Variants in EXOC6B observed in about 807,000 individuals in gnomAD.
EXOC6B encodes the protein exocyst complex component 6B, also known as SEC15 homolog B.
A neutral mutation model predicts 113.5 loss-of-function variants in EXOC6B; 54 were observed. That is an observed-to-expected ratio of 0.48 (90% confidence interval 0.38 to 0.60). The LOEUF is 0.60. EXOC6B is among the 20% of genes least tolerant of loss of function. The pLI is 0.00. For missense variants in EXOC6B, 797 were observed against 977.5 expected, an observed-to-expected ratio of 0.82 and a Z score of 2.46; for synonymous variants, 357 against 339.0, an observed-to-expected ratio of 1.05 and a Z score of -0.58.
chr2:72,255,403 T>C (rs553465763), intron 20 of EXOC6B, among the ~76,000 whole-genome samples: 4 of 152,216 alleles, frequency 2.6e-5, no homozygotes, highest in Non-Finnish European at 5.9e-5. Flanking sequence ...AAGGAAAGGA[T>C]GACTTCTAGG....
rs1021984611 is a variant in EXOC6B at position 72,709,820 on chromosome 2, T to C, written c.669+8283A>G. Among the ~76,000 whole-genome samples the C allele has an allele frequency of 4.6e-5, 7 of 152,072 alleles. No homozygotes were observed. The East Asian group carries it at 9.6e-4, about 21-fold the overall frequency. On this transcript the variant is annotated intron_variant, in intron 6 of 21. Transcript: ENST00000272427. Reference sequence around the variant, plus strand: ...GGTTTAGATTGCTTATGAGAACCAATATAGGGTTTGGTTTCTCACTGACAT... The same window carrying C: ...GGTTTAGATTGCTTATGAGAACCAACATAGGGTTTGGTTTCTCACTGACAT...
chr2:72,799,926 A>G (rs1308471034), intron 1 of EXOC6B, among the ~76,000 whole-genome samples: 2 of 152,172 alleles, frequency 1.3e-5, no homozygotes, highest in Non-Finnish European at 2.9e-5. Flanking sequence ...TTAGCTGGAC[A>G]TGGTGGCATG....
intron 6 of EXOC6B, among the ~76,000 whole-genome samples, chr2:72,587,835 A>AC (rs1355952043): frequency 6.6e-6 from 1 of 150,978 alleles, no homozygotes; most frequent in Non-Finnish European, 1.5e-5. Flanking sequence ...AACAACAACA[A>AC]AAAAAAAACA....
intron 6 of EXOC6B, among the ~76,000 whole-genome samples, chr2:72,649,234 G>T (rs982494642): frequency 3.3e-5 from 5 of 152,072 alleles, no homozygotes; most frequent in African/African-American, 1.2e-4. Context: ...GAGTGGGGAT[G>T]GTTAATGGGC....
rs1289651719 is a variant in EXOC6B, at chr2:72,376,846, GA to G, written c.2122+2882del. 2.6e-5 allele frequency among the ~76,000 whole-genome samples: 4 copies of G among 151,788 alleles called. No homozygotes were observed. The East Asian group carries it at 7.7e-4, about 29-fold the overall frequency. On this transcript the variant is annotated intron_variant, in intron 19 of 21. Coordinates refer to ENST00000272427, the MANE Select transcript of EXOC6B (RefSeq NM_015189.3). ...TGTATGCTATGTGCTTGAGAGCGTG[GA>G]ATTGTTTTTTTCTTCCTCATCCTTC...
intron 13 of EXOC6B, among the ~76,000 whole-genome samples, chr2:72,497,220 T>A (rs897491085): frequency 1.3e-5 from 2 of 151,976 alleles, no homozygotes; most frequent in African/African-American, 4.8e-5. Context: ...GGGATCTTCC[T>A]ACCTTGGCTC....
chr2:72,824,460 G>A (rs1665492783), intron 1 of EXOC6B, among the ~76,000 whole-genome samples: 1 of 152,098 alleles, frequency 6.6e-6, no homozygotes, highest in African/African-American at 2.4e-5. Flanking sequence ...AGAGACAAAA[G>A]GCAAACTACT....
chr2:72,615,825 G>A (rs1671355915), intron 6 of EXOC6B, among the ~76,000 whole-genome samples: 1 of 152,050 alleles, frequency 6.6e-6, no homozygotes, highest in Non-Finnish European at 1.5e-5. Flanking sequence ...AAGAAGGCAT[G>A]GTTATTATAG....
intron 20 of EXOC6B, among the ~76,000 whole-genome samples, chr2:72,245,086 T>C (rs1682565979): frequency 6.6e-6 from 1 of 152,060 alleles, no homozygotes; most frequent in South Asian, 2.1e-4. Flanking sequence ...TTCAATACAA[T>C]CCCAATAAAA....
chr2:72,540,998 G>A (rs1346720125), intron 8 of EXOC6B, among the ~76,000 whole-genome samples: 2 of 152,090 alleles, frequency 1.3e-5, no homozygotes, highest in Non-Finnish European at 2.9e-5. Flanking sequence ...CATTTGATAT[G>A]GTTTGGTTGT....
chr2:72,654,743 C>T (rs1214828671), intron 6 of EXOC6B, among the ~76,000 whole-genome samples: 1 of 152,184 alleles, frequency 6.6e-6, no homozygotes, highest in Admixed American at 6.5e-5. Context: ...ATCACCCATA[C>T]ATCAAGACTG....
intron 18 of EXOC6B, among the ~76,000 whole-genome samples, chr2:72,431,960 T>A (rs1238747378): frequency 6.6e-6 from 1 of 152,212 alleles, no homozygotes; most frequent in Non-Finnish European, 1.5e-5. Context: ...ACCATGTCCC[T>A]ACAAAGGACA....
intron 18 of EXOC6B, among the ~76,000 whole-genome samples, chr2:72,407,013 TA>T (rs1693823266): frequency 6.6e-6 from 1 of 151,728 alleles, no homozygotes; most frequent in Non-Finnish European, 1.5e-5. Flanking sequence ...ATAGACGCAA[TA>T]AAAAATGATA....
At chr2:72,669,950 T>C (rs1258404857) in intron 6 of EXOC6B, among the ~76,000 whole-genome samples, 1 of 152,254 alleles carries the variant, frequency 6.6e-6, no homozygotes, top group East Asian at 1.9e-4. Flanking sequence ...TCATGAAATA[T>C]GTTTTGCACA....
chr2:72,317,174 G>A (rs1026998998), intron 20 of EXOC6B, among the ~76,000 whole-genome samples: 9 of 150,378 alleles, frequency 6.0e-5, no homozygotes, highest in African/African-American at 2.2e-4. Context: ...TTTTTAAATA[G>A]TAGGTGGCAG....
intron 6 of EXOC6B, among the ~76,000 whole-genome samples, chr2:72,583,353 A>G (rs890839082): frequency 1.3e-5 from 2 of 152,192 alleles, no homozygotes; most frequent in Admixed American, 6.5e-5. Flanking sequence ...AAAAATCCAA[A>G]GAACACCTGC....
intron 8 of EXOC6B, among the ~76,000 whole-genome samples, chr2:72,526,326 CA>C (rs1374267247): frequency 4.1e-5 from 6 of 145,360 alleles, no homozygotes; most frequent in East Asian, 2.0e-4. Flanking sequence ...AGATTTTATA[CA>C]AAAAAAAAAC....
chr2:72,794,549 T>C (rs183956079), intron 1 of EXOC6B, among the ~76,000 whole-genome samples: 1 of 152,218 alleles, frequency 6.6e-6, no homozygotes, highest in Non-Finnish European at 1.5e-5. Context: ...CTATGTCCTC[T>C]GTTCACTTCT....
At chr2:72,415,888 T>C (rs1388911113) in intron 18 of EXOC6B, among the ~76,000 whole-genome samples, 1 of 152,216 alleles carries the variant, frequency 6.6e-6, no homozygotes, top group Non-Finnish European at 1.5e-5. Context: ...TGAAGGCTTA[T>C]CTTCTTCAGG....
Sources: gnomAD v4.1 joint callset for allele counts (sites outside exome capture counted in the v4.1 genomes callset) on GRCh38, gnomAD v4.1.1 for gene constraint, MANE v1.5 for transcripts, NCBI Gene and HGNC (gene_info 2026-07-23, HGNC 2026-07-21) for gene names.